Variants in BRWD3 observed in about 807,000 individuals in gnomAD.
The protein encoded by BRWD3 is bromodomain and WD repeat-containing protein 3.
A neutral mutation model predicts 149.7 loss-of-function variants in BRWD3; 10 were observed. That is an observed-to-expected ratio of 0.07 (90% confidence interval 0.04 to 0.11). BRWD3 has a LOEUF of 0.11. Ranked by LOEUF, BRWD3 falls within the 10% of genes least tolerant of loss-of-function variation. The pLI is 1.00. For missense variants in BRWD3, 940 were observed against 1,373.2 expected (o/e 0.68, Z 4.99); for synonymous variants, 504 against 456.7 (o/e 1.10, Z -1.32).
At chrX:80,747,624 T>C (rs1005416810) in intron 6 of BRWD3, among the ~76,000 whole-genome samples, 3 of 111,969 alleles carry the variant, frequency 2.7e-5, no homozygotes, top group Non-Finnish European at 3.8e-5. Flanking sequence ...CTTTCATCAA[T>C]GTTTTATAGT....
At position 80,691,975 on chromosome X, in the gene BRWD3, G is replaced by A; in HGVS notation, c.3329C>T (p.Ala1110Val). 1 of 1,200,996 alleles carries A rather than the reference G, an allele frequency of 8.3e-7. No homozygotes were observed. The highest frequency in any genetic ancestry group is 1.1e-6 in the Non-Finnish European group (1 of 890,127). ...WDMEPIPEGT[A>V]FPDEVGAGVP... The stretch of plus-strand genomic sequence containing the variant: ...ACCAGCACCAACTTCATCTGGAAAG[G>A]CAGCTAGGTATAAGATAAAAAAAAA... Residue 1110 changes from alanine (A) to valine (V), a missense_variant, in exon 30 of 41, where the codon GCC becomes GTC. Ala to Val is a moderately conservative substitution (Grantham distance 64). Around this residue, in one of 6 missense-constraint regions of BRWD3, gnomAD observed 158 missense variants for 284.0 expected, o/e 0.56. Transcript: ENST00000373275.
At chrX:80,791,092 C>T (rs2074177207) in intron 6 of BRWD3, among the ~76,000 whole-genome samples, 1 of 112,071 alleles carries the variant, frequency 8.9e-6, no homozygotes, top group Admixed American at 9.5e-5. Flanking sequence ...TTTACTTAAC[C>T]TCTGAGGCTA....
At position 80,764,312 on chromosome X, in the gene BRWD3, AT is replaced by A. The variant is rs78431326; in HGVS notation, c.431-18584del. On this transcript the variant is annotated intron_variant, in intron 6 of 40. Transcript: ENST00000373275. ...TTCAGAATATGGGGCTAGGCAAAGA[AT>A]TTTTTTTTTAGAGACGGAGTCTCGC... Among the ~76,000 whole-genome samples, 775 of 108,305 alleles carry A rather than the reference AT, an allele frequency of 7.2e-3. 34 individuals carry two copies. The East Asian group carries it at 0.16, about 23-fold the overall frequency. 94.0% of individuals were successfully genotyped at this position (108,305 alleles called of 115,157 possible).
intron 25 of BRWD3, among the ~76,000 whole-genome samples, chrX:80,697,428 T>C (rs2072716381): frequency 9.0e-6 from 1 of 111,197 alleles, no homozygotes; most frequent in South Asian, 3.8e-4. Context: ...CTCCAAATAG[T>C]AACCACTGTA....
intron 27 of BRWD3, among the ~76,000 whole-genome samples, chrX:80,695,104 T>A (rs766564032): frequency 7.2e-5 from 8 of 111,185 alleles, no homozygotes; most frequent in Non-Finnish European, 1.3e-4. Flanking sequence ...TTTCACAAGA[T>A]CTGATGGTTT....
intron 25 of BRWD3, among the ~76,000 whole-genome samples, chrX:80,699,728 T>TA (rs759017590): frequency 8.9e-6 from 1 of 112,052 alleles, no homozygotes; most frequent in East Asian, 2.8e-4. Context: ...TGCTTTGCTC[T>TA]AATTATGGAC....
intron 11 of BRWD3, 91 bp from the exon 12 acceptor site, chrX:80,733,587 A>C: frequency 1.5e-6 from 1 of 688,829 alleles, no homozygotes; most frequent in Non-Finnish European, 2.2e-6. Context: ...CAAAAACATC[A>C]TGAAGTAGTT....
At chrX:80,759,137 T>C (rs750244568) in intron 6 of BRWD3, among the ~76,000 whole-genome samples, 3 of 111,913 alleles carry the variant, frequency 2.7e-5, no homozygotes, top group Admixed American at 9.6e-5. Context: ...AGGTTAAGAT[T>C]GCAAAGACTA....
intron 12 of BRWD3, among the ~76,000 whole-genome samples, chrX:80,730,395 A>AAGAAAGAAAGAAAGAAAGAG (rs2073309212): frequency 1.1e-5 from 1 of 91,473 alleles, no homozygotes; most frequent in African/African-American, 4.1e-5. Context: ...TAGCAAAAGA[A>AAGAAAGAAAGAAAGAAAGAG]AGAAAGAAAG....
Position 80,673,674 on chromosome X carries a change from A to G in BRWD3, c.*2935T>C, listed in dbSNP as rs1165483652. 2 of 111,939 alleles carry G rather than the reference A, an allele frequency of 1.8e-5. No homozygotes were observed. The highest frequency in any genetic ancestry group is 9.5e-5 in the Admixed American group (1 of 10,560). The allele number at this position is 111,939 out of a possible 1,213,427, so 9.2% of individuals were successfully genotyped here. A position where few individuals can be genotyped will look rare whatever the true frequency, so the allele number is the denominator to read the frequency against. On this transcript the variant is annotated 3_prime_UTR_variant, in exon 41 of 41. Coordinates refer to ENST00000373275, the MANE Select transcript of BRWD3 (RefSeq NM_153252.5). Reference sequence around the variant, plus strand: ...ATATATACACACACTAAGATCTTAAAGCTGGGAATTTAAACATTATTAGCA... The same window carrying G: ...ATATATACACACACTAAGATCTTAAGGCTGGGAATTTAAACATTATTAGCA...
chrX:80,728,349 T>A (rs1309133806), intron 14 of BRWD3, among the ~76,000 whole-genome samples: 1 of 111,327 alleles, frequency 9.0e-6, no homozygotes, highest in Non-Finnish European at 1.9e-5. Context: ...AAAAAGACCT[T>A]TCTTTTCCTA....
At position 80,674,503 on chromosome X, in the gene BRWD3, A is replaced by T. The variant is rs1026061905; in HGVS notation, c.*2106T>A. The T allele has an allele frequency of 9.0e-6, 1 of 111,595 alleles. No individual in the cohort carries two copies. The highest frequency in any genetic ancestry group is 3.3e-5 in the African/African-American group (1 of 30,759). The allele number at this position is 111,595 out of a possible 1,213,427, so 9.2% of individuals were successfully genotyped here. A position where few individuals can be genotyped will look rare whatever the true frequency, so the allele number is the denominator to read the frequency against. ...TAACTATGTTACTTAGATCAGGATA[A>T]GCCAAAGTATTATTGATTTCAGGAA... On this transcript the variant is annotated 3_prime_UTR_variant, in exon 41 of 41. Transcript: ENST00000373275.
chrX:80,734,928 A>G (rs2073382419), intron 10 of BRWD3, among the ~76,000 whole-genome samples, 199 bp downstream of exon 10: 1 of 110,951 alleles, frequency 9.0e-6, no homozygotes, highest in East Asian at 2.8e-4. Context: ...AAAATGTATT[A>G]AATTATGAAT....
At position 80,673,095 on chromosome X, in the gene BRWD3, A is replaced by T. The variant is rs1416216700; in HGVS notation, c.*3514T>A. On this transcript the variant is annotated 3_prime_UTR_variant, in exon 41 of 41. Coordinates refer to ENST00000373275, the MANE Select transcript of BRWD3 (RefSeq NM_153252.5). ...ATGACAATCTATGGGATTAAAACAA[A>T]AACAACAAAAAGATAAATAACAGAA... 2.7e-5 allele frequency: 3 copies of T among 112,016 alleles called. No homozygotes were observed. The highest frequency in any genetic ancestry group is 5.6e-5 in the Non-Finnish European group (3 of 53,210). 9.2% of individuals were successfully genotyped at this position (112,016 alleles called of 1,213,427 possible). A position where few individuals can be genotyped will look rare whatever the true frequency, so the allele number is the denominator to read the frequency against.
chrX:80,765,485 C>CACTTT (rs1169276420), intron 6 of BRWD3, among the ~76,000 whole-genome samples: 1 of 111,663 alleles, frequency 9.0e-6, no homozygotes, highest in African/African-American at 3.3e-5. Flanking sequence ...AGGTTTGGGT[C>CACTTT]ACTTTACTTT....
At chrX:80,760,611 A>G (rs750668930) in intron 6 of BRWD3, among the ~76,000 whole-genome samples, 20 of 111,929 alleles carry the variant, frequency 1.8e-4, no homozygotes, top group African/African-American at 6.5e-4. Context: ...AAATTATTAT[A>G]TGAAATATTG....
intron 4 of BRWD3, among the ~76,000 whole-genome samples, chrX:80,802,557 C>T (rs1273664554): frequency 1.8e-5 from 2 of 108,960 alleles, no homozygotes; most frequent in African/African-American, 6.7e-5. Flanking sequence ...TCCATGCTGG[C>T]TATTCGGTCT....
At chrX:80,701,408 C>T (rs372692876) in intron 24 of BRWD3, among the ~76,000 whole-genome samples, 4 of 106,692 alleles carry the variant, frequency 3.7e-5, no homozygotes, top group African/African-American at 1.4e-4. Context: ...ATTCACCGGG[C>T]GTGGTGGTGC....
intron 34 of BRWD3, 49 bp downstream of exon 34, chrX:80,688,020 A>T (rs2072557500): frequency 6.7e-6 from 7 of 1,043,933 alleles, no homozygotes; most frequent in Non-Finnish European, 9.4e-6. Context: ...GATCACTGAC[A>T]CAGGAAACCT....
Sources: gnomAD v4.1 joint callset for allele counts (sites outside exome capture counted in the v4.1 genomes callset) on GRCh38, gnomAD v4.1.1 for gene constraint, gnomAD v4.1.1 regional missense constraint, MANE v1.5 for transcripts, NCBI Gene and HGNC (gene_info 2026-07-23, HGNC 2026-07-21) for gene names.